The following CTNNA2 variants were observed in gnomAD, a reference collection of about 807,000 sequenced individuals.
The protein encoded by CTNNA2 is catenin alpha 2.
In CTNNA2, 42 loss-of-function variants were observed where a neutral mutation model predicts 101.0. The ratio of observed to expected loss-of-function variants is 0.42; its 90% confidence interval spans 0.32 to 0.54. CTNNA2 has a LOEUF of 0.54. CTNNA2 is among the 20% of genes least tolerant of loss of function. The pLI is 0.14. For missense variants in CTNNA2, 871 were observed against 1,223.1 expected, an observed-to-expected ratio of 0.71 and a Z score of 4.29; for synonymous variants, 450 against 456.4, an observed-to-expected ratio of 0.99 and a Z score of 0.18.
At chr2:80,336,722 T>C (rs1453454944) in intron 7 of CTNNA2, among the ~76,000 whole-genome samples, 1 of 152,232 alleles carries the variant, frequency 6.6e-6, no homozygotes, top group Non-Finnish European at 1.5e-5. Flanking sequence ...TACTTGTTTA[T>C]ATAGAAAACA....
chr2:80,384,099 A>G (rs914871687), intron 7 of CTNNA2, among the ~76,000 whole-genome samples: 5 of 152,186 alleles, frequency 3.3e-5, no homozygotes, highest in African/African-American at 1.2e-4. Flanking sequence ...CTCCCTTACA[A>G]ATAGGAGCTA....
chr2:80,234,578 G>A (rs928093899), intron 7 of CTNNA2, among the ~76,000 whole-genome samples: 12 of 151,984 alleles, frequency 7.9e-5, no homozygotes, highest in African/African-American at 1.2e-4. Context: ...AGAGTTTTTC[G>A]GCTGATAAAG....
At chr2:80,037,655 C>T (rs1375266348) in intron 7 of CTNNA2, among the ~76,000 whole-genome samples, 1 of 152,086 alleles carries the variant, frequency 6.6e-6, no homozygotes, top group African/African-American at 2.4e-5. Context: ...TCCAAGGTTG[C>T]TGTGACGATT....
At chr2:79,391,848 G>A (rs1573143557) in intron 4 of CTNNA2, among the ~76,000 whole-genome samples, 2 of 152,098 alleles carry the variant, frequency 1.3e-5, no homozygotes, top group South Asian at 2.1e-4. Context: ...AGTTGTAAAG[G>A]CTGGAAGTCC....
Position 79,584,546 on chromosome 2 carries a change from C to T in CTNNA2, c.-5-67006C>T, listed in dbSNP as rs552022667. ...TTTTTTTTTTTTTTTCTTTTTTTGA[C>T]GGAGTCTTGCTCTTGTCGCCCAGGC... is the stretch of plus-strand genomic sequence containing the variant. On this transcript the variant is annotated intron_variant, in intron 1 of 18. Transcript: ENST00000402739. Among the ~76,000 whole-genome samples the T allele has an allele frequency of 4.3e-4, 60 of 140,680 alleles. No individual in the cohort carries two copies. In the South Asian group the frequency reaches 4.8e-3, roughly 11 times the overall value. The allele number at this position is 140,680 out of a possible 152,430, so 92.3% of individuals were successfully genotyped here.
At chr2:80,393,551 A>G (rs1156667319) in intron 8 of CTNNA2, among the ~76,000 whole-genome samples, 1 of 152,218 alleles carries the variant, frequency 6.6e-6, no homozygotes, top group East Asian at 1.9e-4. Flanking sequence ...GACTGGATGA[A>G]TTCACTACTT....
intron 3 of CTNNA2, among the ~76,000 whole-genome samples, chr2:79,835,667 T>TTTTTTTTG (rs1679286148): frequency 1.7e-4 from 1 of 6,004 alleles, no homozygotes; most frequent in Non-Finnish European, 6.9e-4. Context: ...CCTCTCTTTG[T>TTTTTTTTG]TTTTTTTTTT....
At chr2:80,239,676 C>T (rs1041182321) in intron 7 of CTNNA2, among the ~76,000 whole-genome samples, 11 of 152,078 alleles carry the variant, frequency 7.2e-5, no homozygotes, top group African/African-American at 2.7e-4. Context: ...CTTTGGGAGG[C>T]TGAGGTGGGT....
intron 7 of CTNNA2, among the ~76,000 whole-genome samples, chr2:80,277,341 TA>T (rs1173811565): frequency 6.6e-6 from 1 of 152,148 alleles, no homozygotes; most frequent in African/African-American, 2.4e-5. Flanking sequence ...GATTAAGTCC[TA>T]ATCTCTAGTC....
At chr2:80,325,174 T>G (rs966150518) in intron 7 of CTNNA2, among the ~76,000 whole-genome samples, 5 of 152,148 alleles carry the variant, frequency 3.3e-5, no homozygotes, top group African/African-American at 4.8e-5. Context: ...AGTGAGGTTT[T>G]TCAGACATTG....
intron 3 of CTNNA2, among the ~76,000 whole-genome samples, chr2:79,322,261 C>G (rs1676643294): frequency 6.6e-6 from 1 of 152,170 alleles, no homozygotes; most frequent in African/African-American, 2.4e-5. Flanking sequence ...AATGAATAGT[C>G]TCTTAGGTGA....
chr2:79,689,717 A>C (rs1368714577), intron 2 of CTNNA2, among the ~76,000 whole-genome samples: 1 of 152,060 alleles, frequency 6.6e-6, no homozygotes, highest in Non-Finnish European at 1.5e-5. Flanking sequence ...ATTATGCATT[A>C]ATGTAATACT....
At chr2:79,538,613 T>G (rs146991687) in intron 1 of CTNNA2, among the ~76,000 whole-genome samples, 1 of 152,162 alleles carries the variant, frequency 6.6e-6, no homozygotes, top group Non-Finnish European at 1.5e-5. Flanking sequence ...AATAGTAACA[T>G]TCTATGGGAA....
chr2:80,408,633 G>A (rs1017765721), intron 8 of CTNNA2, among the ~76,000 whole-genome samples: 5 of 152,176 alleles, frequency 3.3e-5, no homozygotes, highest in East Asian at 3.9e-4. Context: ...GCAGATATTA[G>A]ATACTCAGAA....
At chr2:79,477,328 A>G (rs10193691) in intron 4 of CTNNA2, among the ~76,000 whole-genome samples, 87,401 of 151,230 alleles carry the variant, frequency 0.58, 26,035 homozygotes, top group Non-Finnish European at 0.66. Context: ...CCGCCACCAC[A>G]CCCTGCTGAT....
intron 7 of CTNNA2, among the ~76,000 whole-genome samples, chr2:79,990,317 G>A (rs899353367): frequency 6.6e-6 from 1 of 152,172 alleles, no homozygotes; most frequent in Non-Finnish European, 1.5e-5. Flanking sequence ...TTGTGCACCT[G>A]AGAGTAGGAT....
In CTNNA2 at chr2:79,855,742, T is replaced by C. The variant is rs578175203; in HGVS notation, c.299-2271T>C. Among the ~76,000 whole-genome samples, 7 of 152,298 alleles carry C rather than the reference T, an allele frequency of 4.6e-5. No individual in the cohort carries two copies. The South Asian group carries it at 1.5e-3, about 32-fold the overall frequency. ...AACCATGTAGCTACCTGGGTTCGTGTGCAGAATAAATCCCCCTTTCCCTTG... is the reference window on the plus strand; with the variant it reads ...AACCATGTAGCTACCTGGGTTCGTGCGCAGAATAAATCCCCCTTTCCCTTG... On this transcript the variant is annotated intron_variant, in intron 3 of 18. Transcript: ENST00000402739.
At chr2:80,063,262 C>G (rs1697737216) in intron 7 of CTNNA2, among the ~76,000 whole-genome samples, 1 of 152,060 alleles carries the variant, frequency 6.6e-6, no homozygotes, top group African/African-American at 2.4e-5. Flanking sequence ...CTCTCATTCT[C>G]TAGGCAACTT....
At chr2:80,613,272 G>A (rs548856641) in intron 17 of CTNNA2, among the ~76,000 whole-genome samples, 1 of 151,362 alleles carries the variant, frequency 6.6e-6, no homozygotes, top group South Asian at 2.1e-4. Context: ...AATGGTCATT[G>A]ATTTCTGCAC....
Sources: allele counts gnomAD v4.1 joint callset (sites outside exome capture counted in the v4.1 genomes callset), GRCh38; gene constraint gnomAD v4.1.1; transcripts MANE v1.5; gene names NCBI Gene and HGNC (gene_info 2026-07-23, HGNC 2026-07-21).